Variants in RPS6KC1 observed in about 807,000 individuals in gnomAD.
RPS6KC1 encodes ribosomal protein S6 kinase C1.
RPS6KC1 carries 54 observed loss-of-function variants against 103.8 expected under a neutral mutation model. The observed-to-expected ratio is 0.52, with a 90% CI of 0.42 to 0.65. The LOEUF is 0.65. Ranked by LOEUF, RPS6KC1 falls within the 30% of genes least tolerant of loss-of-function variation. The pLI is 0.00. For missense variants in RPS6KC1, 1,151 were observed against 1,253.8 expected, an observed-to-expected ratio of 0.92 and a Z score of 1.24; for synonymous variants, 439 against 438.7, an observed-to-expected ratio of 1.00 and a Z score of -0.01.
the RPS6KC1 span, among the ~76,000 whole-genome samples, chr1:213,845,830 A>G: frequency 6.6e-6 from 1 of 152,134 alleles, no homozygotes; most frequent in African/African-American, 2.4e-5. Context: ...TGCCTCATAG[A>G]GTTATTGTGA....
At chr1:213,443,882 C>A in the RPS6KC1 span, among the ~76,000 whole-genome samples, 2 of 150,858 alleles carry the variant, frequency 1.3e-5, no homozygotes, top group African/African-American at 4.9e-5. Flanking sequence ...CCTGGGCAAT[C>A]AGAATGAGAC....
intron 6 of RPS6KC1, among the ~76,000 whole-genome samples, chr1:213,160,792 T>C (rs574008524): frequency 7.1e-6 from 1 of 140,888 alleles, no homozygotes; most frequent in East Asian, 2.1e-4. Context: ...AGGTGAGAAT[T>C]GAACAATGAG....
At chr1:213,145,433 G>A (rs1215299628) in intron 6 of RPS6KC1, among the ~76,000 whole-genome samples, 1 of 152,112 alleles carries the variant, frequency 6.6e-6, no homozygotes, top group Non-Finnish European at 1.5e-5. Flanking sequence ...TTGTCTAGAG[G>A]AGAGATAATG....
At chr1:213,322,916 T>A in the RPS6KC1 span, among the ~76,000 whole-genome samples, 1 of 17,242 alleles carries the variant, frequency 5.8e-5, no homozygotes, top group Admixed American at 6.9e-4. Flanking sequence ...CCCAGCTTTT[T>A]TTTTTTTTTT....
At chr1:213,541,524 G>A in the RPS6KC1 span, among the ~76,000 whole-genome samples, 1 of 152,034 alleles carries the variant, frequency 6.6e-6, no homozygotes, top group Admixed American at 6.5e-5. Context: ...GCATAAAAAT[G>A]TGAAGTCCAA....
intron 8 of RPS6KC1, among the ~76,000 whole-genome samples, chr1:213,220,348 A>G (rs2093799933): frequency 6.6e-6 from 1 of 152,176 alleles, no homozygotes; most frequent in Admixed American, 6.5e-5. Context: ...TGTTTTTGAA[A>G]TGGAGTCTCG....
chr1:213,264,192 T>C (rs559511913), intron 14 of RPS6KC1, among the ~76,000 whole-genome samples: 6 of 152,262 alleles, frequency 3.9e-5, no homozygotes, highest in African/African-American at 1.4e-4. Flanking sequence ...AGTAAACAGT[T>C]TAGAGTTGTA....
chr1:213,641,920 C>A, the RPS6KC1 span, among the ~76,000 whole-genome samples: 1,248 of 150,854 alleles, frequency 8.3e-3, 23 homozygotes, highest in African/African-American at 0.029. Context: ...GTTATCCTCC[C>A]TTCAAGTTTT....
At chr1:213,503,490 C>T in the RPS6KC1 span, among the ~76,000 whole-genome samples, 1 of 152,224 alleles carries the variant, frequency 6.6e-6, no homozygotes, top group Non-Finnish European at 1.5e-5. Context: ...GTAGCAGTCA[C>T]TGCTGTCTCT....
the RPS6KC1 span, among the ~76,000 whole-genome samples, chr1:213,518,690 G>A: frequency 6.6e-6 from 1 of 152,148 alleles, no homozygotes; most frequent in East Asian, 1.9e-4. Context: ...AAATTACTGG[G>A]CATGGTTTTT....
At chr1:213,626,826 A>G in the RPS6KC1 span, among the ~76,000 whole-genome samples, 1 of 152,072 alleles carries the variant, frequency 6.6e-6, no homozygotes, top group African/African-American at 2.4e-5. Flanking sequence ...TTTGGTTACT[A>G]TAGCTTTGTA....
At chr1:213,571,340 C>T in the RPS6KC1 span, among the ~76,000 whole-genome samples, 4 of 152,148 alleles carry the variant, frequency 2.6e-5, no homozygotes, top group South Asian at 8.3e-4. Context: ...GAACTTACAT[C>T]TGGGAAGGGA....
the RPS6KC1 span, among the ~76,000 whole-genome samples, chr1:213,508,454 A>T: frequency 6.6e-6 from 1 of 152,118 alleles, no homozygotes; most frequent in Non-Finnish European, 1.5e-5. Flanking sequence ...AAAAAAGTGG[A>T]GAGCCAGAAA....
At chr1:213,642,031 A>G in the RPS6KC1 span, among the ~76,000 whole-genome samples, 1 of 151,916 alleles carries the variant, frequency 6.6e-6, no homozygotes, top group Non-Finnish European at 1.5e-5. Context: ...AAGGAAAGAG[A>G]AATATAAGAA....
At chr1:213,220,569 C>T (rs769290382) in intron 8 of RPS6KC1, among the ~76,000 whole-genome samples, 2 of 152,170 alleles carry the variant, frequency 1.3e-5, no homozygotes, top group Non-Finnish European at 2.9e-5. Context: ...CAGCAATCTG[C>T]CCGCCTCAGT....
At chr1:213,530,032 TTTATTA>T in the RPS6KC1 span, among the ~76,000 whole-genome samples, 10,079 of 148,940 alleles carry the variant, frequency 0.068, 480 homozygotes, top group Non-Finnish European at 0.089. Context: ...CTTCACTTCT[TTTATTA>T]TTATTATTAT....
At chr1:213,704,385 CAA>C in the RPS6KC1 span, among the ~76,000 whole-genome samples, 2,078 of 27,168 alleles carry the variant, frequency 0.076, 11 homozygotes, top group African/African-American at 0.2. Flanking sequence ...GACTCCGTCT[CAA>C]AAAAAAAAAA....
chr1:213,382,629 C>T, the RPS6KC1 span, among the ~76,000 whole-genome samples: 3 of 151,602 alleles, frequency 2.0e-5, no homozygotes, highest in Admixed American at 1.3e-4. Flanking sequence ...TCTCACCTCT[C>T]CAGCTCAGAC....
intron 6 of RPS6KC1, among the ~76,000 whole-genome samples, chr1:213,137,278 T>G (rs1285871249): frequency 6.6e-6 from 1 of 151,948 alleles, no homozygotes; most frequent in Non-Finnish European, 1.5e-5. Context: ...TCACTTTTTA[T>G]TTTCTTCACT....
Sources: gnomAD v4.1 joint callset for allele counts (sites outside exome capture counted in the v4.1 genomes callset) on GRCh38, gnomAD v4.1.1 for gene constraint, MANE v1.5 for transcripts, NCBI Gene and HGNC (gene_info 2026-07-23, HGNC 2026-07-21) for gene names.